The following ANKRD50 variants were observed in gnomAD, a reference collection of about 807,000 sequenced individuals.
ANKRD50 encodes the protein ankyrin repeat domain 50.
A neutral mutation model predicts 112.0 loss-of-function variants in ANKRD50; 40 were observed. That is an observed-to-expected ratio of 0.36 (90% confidence interval 0.28 to 0.46). The LOEUF is 0.46. ANKRD50 is among the 20% of genes least tolerant of loss of function. ANKRD50 has a pLI of 1.00. For missense variants in ANKRD50, 1,487 were observed against 1,701.7 expected (o/e 0.87, Z 2.22); for synonymous variants, 613 against 619.1 (o/e 0.99, Z 0.15).
chr4:124,712,056 G>C (rs1053975214), intron 1 of ANKRD50, among the ~76,000 whole-genome samples: 3 of 152,076 alleles, frequency 2.0e-5, no homozygotes, highest in Non-Finnish European at 4.4e-5. Context: ...CCTTGGGTTG[G>C]AACCGCCCAG....
chr4:124,670,221 G>A lies in ANKRD50; in HGVS notation c.3056C>T (p.Ala1019Val), dbSNP rs1416049924. Reference protein sequence around the residue: ...DNEKRSALQSAAWQGHVKVVQ... With the variant: ...DNEKRSALQSVAWQGHVKVVQ... ...CACTTTTACATGGCCCTGCCAGGCT[G>A]CAGACTGCAAAGCAGAGCGCTTTTC... The change falls in exon 4 of 5, where the codon GCA becomes GTA. Residue 1019 changes from alanine (A) to valine (V), a missense_variant. By Grantham distance (64) the Ala-to-Val change is moderately conservative (BLOSUM62 0). Coordinates refer to ENST00000504087, the MANE Select transcript of ANKRD50 (RefSeq NM_020337.3). 4.3e-6 allele frequency: 7 copies of A among 1,613,520 alleles called. No homozygotes were observed. In the Admixed American group the frequency reaches 1.2e-4, roughly 27 times the overall value.
chr4:124,685,774 T>C (rs1724992179), intron 2 of ANKRD50, among the ~76,000 whole-genome samples: 1 of 150,512 alleles, frequency 6.6e-6, no homozygotes, highest in African/African-American at 2.5e-5. Flanking sequence ...TTAATTCAAT[T>C]TAAAATCCTA....
At chr4:124,689,691 A>G (rs956118001) in intron 2 of ANKRD50, among the ~76,000 whole-genome samples, 1 of 152,108 alleles carries the variant, frequency 6.6e-6, no homozygotes, top group African/African-American at 2.4e-5. Flanking sequence ...AGCTCTCCTG[A>G]TTCTCAGGCC....
At chr4:124,693,037 CAGA>C (rs1464147779) in intron 2 of ANKRD50, among the ~76,000 whole-genome samples, 5 of 152,200 alleles carry the variant, frequency 3.3e-5, no homozygotes, top group East Asian at 3.9e-4. Flanking sequence ...TAGTAAATGG[CAGA>C]AGAAGAAATA....
In ANKRD50 at chr4:124,710,314, T is replaced by C; in HGVS notation, c.198A>G (p.Gly66=). The C allele has an allele frequency of 6.2e-7, 1 of 1,614,126 alleles. No homozygotes were observed. Among genetic ancestry groups the C allele is most frequent in the Non-Finnish European group, 8.5e-7 (1 of 1,180,018 alleles). ...NSGNNASGVS[G]KGAAWGVLLV... ...ACAACACACCCCAGGCAGCTCCCTT[T>C]CCAGAGACACCACTAGCATTATTCC... Residue 66 remains glycine, a synonymous_variant, in exon 2 of 5, where the codon GGA becomes GGG. Transcript: ENST00000504087.
chr4:124,706,641 T>C (rs1375506554), intron 2 of ANKRD50, among the ~76,000 whole-genome samples: 3 of 152,130 alleles, frequency 2.0e-5, no homozygotes, highest in Admixed American at 6.5e-5. Context: ...ATCAACTTTC[T>C]ATAACTATTA....
intron 2 of ANKRD50, among the ~76,000 whole-genome samples, chr4:124,696,036 T>G (rs1335790437): frequency 2.0e-5 from 3 of 151,954 alleles, no homozygotes; most frequent in Non-Finnish European, 2.9e-5. Flanking sequence ...AGATTGACAA[T>G]CTAGAGAAAA....
Position 124,672,116 on chromosome 4 carries a change from G to T in ANKRD50, c.1161C>A (p.Arg387=), listed in dbSNP as rs1255144488. 6.2e-7 allele frequency: 1 copy of T among 1,613,716 alleles called. No individual in the cohort carries two copies. The highest frequency in any genetic ancestry group is 8.5e-7 in the Non-Finnish European group (1 of 1,179,844). ...NMSLTLEDFQ[R]KLDILSKLLV... is the part of the protein sequence containing the mutation. ...GAAGTTTGGAGAGGATATCTAACTT[G>T]CGTTGAAAATCTTCCAAAGTTAACG... is the stretch of plus-strand genomic sequence containing the variant. The change falls in exon 4 of 5, where the codon CGC becomes CGA. Residue 387 remains arginine (R), a synonymous_variant. Transcript: ENST00000504087.
At chr4:124,703,667 G>GT (rs1181129389) in intron 2 of ANKRD50, among the ~76,000 whole-genome samples, 3 of 149,674 alleles carry the variant, frequency 2.0e-5, no homozygotes, top group African/African-American at 7.5e-5. Context: ...AAAATTTCCA[G>GT]GTTTTTTTTT....
At chr4:124,703,909 G>C (rs1177196850) in intron 2 of ANKRD50, among the ~76,000 whole-genome samples, 2 of 152,152 alleles carry the variant, frequency 1.3e-5, no homozygotes, top group African/African-American at 2.4e-5. Context: ...GAAGTGATTA[G>C]AGGTTGAGGA....
In ANKRD50 at chr4:124,669,093, T is replaced by G. The variant is rs748843184; in HGVS notation, c.4184A>C (p.Glu1395Ala). The G allele has an allele frequency of 3.7e-6, 6 of 1,613,480 alleles. No individual in the cohort carries two copies. Residue 1395 changes from glutamate (E) to alanine (A), a missense_variant, in exon 4 of 5, where the codon GAG becomes GCG. Coordinates refer to ENST00000504087, the MANE Select transcript of ANKRD50 (RefSeq NM_020337.3). ...MQDRGHQEVLEGYPSSETELS... is the reference protein window; with the variant it reads ...MQDRGHQEVLAGYPSSETELS... The stretch of plus-strand genomic sequence containing the variant: ...TTCTGTCTCTGAGGAAGGGTATCCC[T>G]CCAACACTTCCTGATGCCCTCTATC...
Position 124,697,024 on chromosome 4 carries a change from G to A in ANKRD50, c.512+12976C>T, listed in dbSNP as rs115294646. Among the ~76,000 whole-genome samples the A allele has an allele frequency of 3.4e-3, 514 of 152,148 alleles. 2 individuals are homozygous for A. Among genetic ancestry groups the A allele is most frequent in the Non-Finnish European group, 4.8e-3 (325 of 68,006 alleles). The stretch of plus-strand genomic sequence containing the variant: ...GTCTCTCACTTCAATTACTGCACTG[G>A]TACTTACAGGTTTCCTTAGAAGGAT... On this transcript the variant is annotated intron_variant, in intron 2 of 4. Transcript: ENST00000504087.
intron 2 of ANKRD50, among the ~76,000 whole-genome samples, chr4:124,693,984 T>C (rs1217937235): frequency 1.3e-5 from 2 of 152,062 alleles, no homozygotes. Context: ...AGATGAGAAG[T>C]AGAAAAAATA....
intron 2 of ANKRD50, among the ~76,000 whole-genome samples, chr4:124,704,253 T>C (rs17008494): frequency 0.01 from 1,553 of 152,334 alleles, 34 homozygotes; most frequent in African/African-American, 0.035. Context: ...TACTTAAGAA[T>C]AGATAATGAC....
chr4:124,678,317 C>G (rs1253255021), intron 3 of ANKRD50, among the ~76,000 whole-genome samples: 1 of 151,570 alleles, frequency 6.6e-6, no homozygotes, highest in African/African-American at 2.4e-5. Context: ...AAAAAAGAAA[C>G]TCTGACAGTG....
intron 2 of ANKRD50, among the ~76,000 whole-genome samples, chr4:124,681,560 C>T (rs539297130): frequency 6.6e-6 from 1 of 152,284 alleles, no homozygotes; most frequent in Admixed American, 6.5e-5. Context: ...CACTATGGTC[C>T]ACTGACTAGC....
At chr4:124,673,624 G>A (rs1385116271) in intron 3 of ANKRD50, among the ~76,000 whole-genome samples, 2 of 152,050 alleles carry the variant, frequency 1.3e-5, no homozygotes, top group African/African-American at 4.8e-5. Flanking sequence ...GAAGTAAAGA[G>A]AGAAGGACGA....
At chr4:124,686,557 G>C (rs1217651174) in intron 2 of ANKRD50, among the ~76,000 whole-genome samples, 1 of 152,128 alleles carries the variant, frequency 6.6e-6, no homozygotes, top group Non-Finnish European at 1.5e-5. Context: ...GGAGTGGGTG[G>C]GGAGGAATAG....
intron 2 of ANKRD50, among the ~76,000 whole-genome samples, chr4:124,684,199 G>T (rs992390902): frequency 6.6e-6 from 1 of 151,958 alleles, no homozygotes; most frequent in Admixed American, 6.6e-5. Flanking sequence ...TTCCCCATTT[G>T]TTCTTGAGAT....
Sources: gnomAD v4.1 joint callset for allele counts (sites outside exome capture counted in the v4.1 genomes callset) on GRCh38, gnomAD v4.1.1 for gene constraint, MANE v1.5 for transcripts, NCBI Gene and HGNC (gene_info 2026-07-23, HGNC 2026-07-21) for gene names.